Variants in NNT observed in about 807,000 individuals in gnomAD.
The protein encoded by NNT is NAD(P) transhydrogenase, mitochondrial.
A neutral mutation model predicts 104.8 loss-of-function variants in NNT; 50 were observed. The observed-to-expected ratio is 0.48, with a 90% confidence interval of 0.38 to 0.60. The LOEUF (loss-of-function observed/expected upper bound fraction) is 0.60, where lower values mean the gene tolerates loss of function less well. Ranked by LOEUF, NNT falls within the 20% of genes least tolerant of loss-of-function variation. NNT has a pLI of 0.00. For missense variants in NNT, 1,131 were observed against 1,330.7 expected, an observed-to-expected ratio of 0.85 and a Z score of 2.33; for synonymous variants, 461 against 490.4, an observed-to-expected ratio of 0.94 and a Z score of 0.79.
chr5:43,707,118 A>AT lies in NNT; in HGVS notation c.*2716dup, dbSNP rs1186946496. 6.7e-6 allele frequency: 1 copy of AT among 149,818 alleles called. No homozygotes were observed. The highest frequency in any genetic ancestry group is 2.0e-4 in the East Asian group (1 of 4,926). The allele number at this position is 149,818 out of a possible 1,614,324, so 9.3% of individuals were successfully genotyped here. Reference sequence around the variant, plus strand: ...CATGTACCCTAGAACTTAAAGTATAATTAAAAAAAAAAAGAAAACAGAAGC... The same window carrying AT: ...CATGTACCCTAGAACTTAAAGTATAATTTAAAAAAAAAAAGAAAACAGAAGC... On this transcript the variant is annotated 3_prime_UTR_variant, in exon 22 of 22. Transcript: ENST00000344920.
chr5:43,677,728 A>G lies in NNT; in HGVS notation c.2798A>G (p.Tyr933Cys), dbSNP rs1741493255. ...EANSIIITPG[Y>C]GLCAAKAQYP... ...GTGTTCTTAATGTTCCTTGCAGGCT[A>G]TGGTCTCTGTGCAGCCAAAGCTCAA... is the stretch of plus-strand genomic sequence containing the variant. The change falls in exon 19 of 22, where the codon TAT becomes TGT. Residue 933 changes from tyrosine (Y) to cysteine (C), a missense_variant. By Grantham distance (194) the Tyr-to-Cys change is radical. Transcript: ENST00000344920. 3 of 1,612,998 alleles carry G rather than the reference A, an allele frequency of 1.9e-6. No individual in the cohort carries two copies. Among genetic ancestry groups the G allele is most frequent in the Admixed American group, 1.7e-5 (1 of 60,022 alleles).
At chr5:43,605,518 GTC>G in intron 1 of NNT, among the ~76,000 whole-genome samples, 1 of 64,380 alleles carries the variant, frequency 1.6e-5, no homozygotes, top group African/African-American at 8.2e-5. Flanking sequence ...GCGAGACTCC[GTC>G]TCAAAAAAAA....
At chr5:43,613,179 T>G in intron 3 of NNT, 42 bp downstream of exon 3, 1 of 1,454,740 alleles carries the variant, frequency 6.9e-7, no homozygotes, top group Non-Finnish European at 9.5e-7. Context: ...GCATGCTGAC[T>G]TTTTGAAATC....
chr5:43,683,460 A>T (rs576198273), intron 19 of NNT, among the ~76,000 whole-genome samples: 1 of 152,204 alleles, frequency 6.6e-6, no homozygotes, highest in Non-Finnish European at 1.5e-5. Flanking sequence ...TGCATTCCTT[A>T]TAAACTCTTG....
At chr5:43,675,692 A>G in intron 18 of NNT, 22 bp downstream of exon 18, 1 of 1,569,042 alleles carries the variant, frequency 6.4e-7, no homozygotes, top group African/African-American at 1.4e-5. Flanking sequence ...AAGCAAAAGC[A>G]AATAACCTAT....
chr5:43,611,235 A>C (rs1327383886), intron 2 of NNT, among the ~76,000 whole-genome samples: 1 of 152,040 alleles, frequency 6.6e-6, no homozygotes, highest in Non-Finnish European at 1.5e-5. Context: ...CTTTTAATAT[A>C]CTGAAGAATT....
intron 7 of NNT, among the ~76,000 whole-genome samples, chr5:43,640,058 T>A (rs1307422518): frequency 1.3e-5 from 2 of 152,088 alleles, no homozygotes; most frequent in Admixed American, 1.3e-4. Flanking sequence ...TGCCTTCTTT[T>A]ATTAATTTTC....
At chr5:43,691,801 C>T (rs955933152) in intron 19 of NNT, among the ~76,000 whole-genome samples, 6 of 152,188 alleles carry the variant, frequency 3.9e-5, no homozygotes, top group Non-Finnish European at 8.8e-5. Context: ...AATAATCACA[C>T]GCTAGGGCTC....
chr5:43,668,446 T>C lies in NNT; in HGVS notation c.2635-7065T>C, dbSNP rs1580078695. On this transcript the variant is annotated intron_variant, in intron 17 of 21. Transcript: ENST00000344920. ...TTTAAGTCTTTAATCCATCTTGAGT[T>C]AATTTTTGTATAAGGTGTAAGGAAG... Among the ~76,000 whole-genome samples, 5 of 152,194 alleles carry C rather than the reference T, an allele frequency of 3.3e-5. No individual in the cohort carries two copies. The South Asian group carries it at 8.3e-4, about 25-fold the overall frequency.
chr5:43,620,354 G>A (rs1161758206), intron 5 of NNT, among the ~76,000 whole-genome samples: 1 of 152,022 alleles, frequency 6.6e-6, no homozygotes, highest in Non-Finnish European at 1.5e-5. Context: ...TGAGTAGCTG[G>A]GACTATGGGC....
At chr5:43,669,020 G>A (rs540353744) in intron 17 of NNT, among the ~76,000 whole-genome samples, 2,643 of 152,174 alleles carry the variant, frequency 0.017, 48 homozygotes, top group Non-Finnish European at 0.029. Context: ...GGATTCCTAG[G>A]TATTTTATTC....
At chr5:43,665,322 G>A (rs1162191325) in intron 17 of NNT, among the ~76,000 whole-genome samples, 1 of 151,722 alleles carries the variant, frequency 6.6e-6, no homozygotes, top group East Asian at 1.9e-4. Context: ...GTGGAGGGAA[G>A]GTCAGCAGAT....
intron 17 of NNT, among the ~76,000 whole-genome samples, chr5:43,669,341 G>A (rs1249696555): frequency 1.3e-5 from 2 of 152,074 alleles, no homozygotes; most frequent in Non-Finnish European, 2.9e-5. Flanking sequence ...GTGAGAGAGG[G>A]CATCCCTGTC....
At chr5:43,617,235 C>T (rs746452837) in intron 4 of NNT, among the ~76,000 whole-genome samples, 13 of 152,172 alleles carry the variant, frequency 8.5e-5, no homozygotes, top group Admixed American at 3.3e-4. Context: ...CAAAACCAGT[C>T]GCTCTAGATC....
chr5:43,701,105 A>G (rs571304667), intron 20 of NNT, among the ~76,000 whole-genome samples: 1 of 151,900 alleles, frequency 6.6e-6, no homozygotes, highest in Non-Finnish European at 1.5e-5. Context: ...ATTTTTATGT[A>G]TTTTTTTAAC....
At chr5:43,634,574 C>T (rs1383037375) in intron 7 of NNT, among the ~76,000 whole-genome samples, 1 of 152,004 alleles carries the variant, frequency 6.6e-6, no homozygotes, top group Non-Finnish European at 1.5e-5. Context: ...TTCGGTAATT[C>T]CTTCCCTTCA....
chr5:43,672,810 C>G (rs1741194297), intron 17 of NNT, among the ~76,000 whole-genome samples: 1 of 152,218 alleles, frequency 6.6e-6, no homozygotes, highest in South Asian at 2.1e-4. Flanking sequence ...CTCTTCAAAG[C>G]TGTCAGACAG....
At chr5:43,663,947 ATAGCAGAGT>A (rs555655985) in intron 17 of NNT, among the ~76,000 whole-genome samples, 4 of 152,230 alleles carry the variant, frequency 2.6e-5, no homozygotes, top group Admixed American at 6.5e-5. Flanking sequence ...GATAGCAGAT[ATAGCAGAGT>A]TAATATGGTA....
chr5:43,656,716 C>T lies in NNT; in HGVS notation c.2357C>T (p.Ala786Val). 3 of 1,614,196 alleles carry T rather than the reference C, an allele frequency of 1.9e-6. No individual in the cohort carries two copies. Among genetic ancestry groups the T allele is most frequent in the Non-Finnish European group, 2.5e-6 (3 of 1,180,026 alleles). Residue 786 changes from alanine to valine, a missense_variant, in exon 16 of 22, where the codon GCT becomes GTT. Physicochemically the swap from Ala to Val is moderately conservative, Grantham distance 64. Transcript: ENST00000344920. ...CACTTACTCAATGCAGGCTTACTGGCTGCTAGTGTGGGCGGGATAATCCCA... is the reference window on the plus strand; with the variant it reads ...CACTTACTCAATGCAGGCTTACTGGTTGCTAGTGTGGGCGGGATAATCCCA... ...GRHLLNAGLL[A>V]ASVGGIIPFM...
Sources: gnomAD v4.1 joint callset for allele counts (sites outside exome capture counted in the v4.1 genomes callset) on GRCh38, gnomAD v4.1.1 for gene constraint, MANE v1.5 for transcripts, NCBI Gene and HGNC (gene_info 2026-07-23, HGNC 2026-07-21) for gene names.